The following MGA variants were observed in gnomAD, a reference collection of about 807,000 sequenced individuals.
MGA encodes the protein MAX dimerization protein MGA, also known as MAX gene-associated protein.
A neutral mutation model predicts 261.1 loss-of-function variants in MGA; 40 were observed. The ratio of observed to expected loss-of-function variants is 0.15; its 90% confidence interval spans 0.12 to 0.20. The LOEUF (loss-of-function observed/expected upper bound fraction) is 0.20, where lower values mean the gene tolerates loss of function less well. Among genes scored for constraint, MGA ranks in the 10% least tolerant of loss-of-function variants. The probability of loss-of-function intolerance (pLI) is 1.00; values close to 1 mark genes in which losing one functional copy is unlikely to be tolerated. For missense variants in MGA, 3,397 were observed against 3,630.5 expected (o/e 0.94, Z 1.65); for synonymous variants, 1,302 against 1,290.6 (o/e 1.01, Z -0.19).
At position 41,639,613 on chromosome 15, in the gene MGA, C is replaced by G. The variant is rs574555424; in HGVS notation, c.-68+18315C>G. On this transcript the variant is annotated intron_variant, in intron 1 of 8. Coordinates refer to the MGA transcript ENST00000566718. ...AGGCTGGAGTGCAGTGGCGCAATCT[C>G]GGCTCACTGCAAGCACCGTCTCCTA... is the stretch of plus-strand genomic sequence containing the variant. Among the ~76,000 whole-genome samples, 4 of 151,824 alleles carry G rather than the reference C, an allele frequency of 2.6e-5. No individual in the cohort carries two copies. In the South Asian group the frequency reaches 8.3e-4, roughly 32 times the overall value.
chr15:41,722,097 T>C (rs1487147731), intron 9 of MGA, among the ~76,000 whole-genome samples: 2 of 151,354 alleles, frequency 1.3e-5, no homozygotes, highest in Non-Finnish European at 2.9e-5. Flanking sequence ...TTGATTCCAT[T>C]AATATAAACT....
Position 41,750,517 on chromosome 15 carries a change from G to T in MGA, c.6910G>T (p.Asp2304Tyr), listed in dbSNP as rs1400051643. 1 of 1,613,592 alleles carries T rather than the reference G, an allele frequency of 6.2e-7. No homozygotes were observed. Residue 2304 changes from aspartate (D) to tyrosine (Y), a missense_variant, in exon 17 of 24, where the codon GAT becomes TAT. Physicochemically the swap from Asp to Tyr is radical, Grantham distance 160. Around this residue, in one of 9 missense-constraint regions of MGA, gnomAD observed 1,410 missense variants for 1,386.4 expected, o/e 1.02. Transcript: ENST00000219905. ...CTTCACTGTTTTGGATTTGGAAGAA[G>T]ATGATGAAGATGATAATGAGAAAAC...
At chr15:41,714,024 C>T (rs1348817354) in intron 9 of MGA, among the ~76,000 whole-genome samples, 1 of 151,758 alleles carries the variant, frequency 6.6e-6, no homozygotes, top group Non-Finnish European at 1.5e-5. Flanking sequence ...AGATGTAGAC[C>T]CAAGTTACAT....
rs748277565 is a variant in MGA at position 41,698,538 on chromosome 15, G to A, written c.2014-325G>A. 1.6e-4 allele frequency among the ~76,000 whole-genome samples: 24 copies of A among 152,130 alleles called. 1 individual carries two copies. The highest frequency in any genetic ancestry group is 3.4e-4 in the Non-Finnish European group (23 of 68,022). On this transcript the variant is annotated intron_variant, in intron 3 of 23. Coordinates refer to ENST00000219905, the MANE Select transcript of MGA (RefSeq NM_001164273.2). ...CTGTTCTTTTCCTCCCTTCTTGTTA[G>A]CTGAGTAAGCTATCTGAATATAGGC...
intron 9 of MGA, 28 bp downstream of exon 9, chr15:41,713,524 T>C (rs1310725175): frequency 2.0e-6 from 3 of 1,495,532 alleles, no homozygotes; most frequent in Non-Finnish European, 2.7e-6. Context: ...GTTAAAACTG[T>C]GCCATATCAG....
chr15:41,727,147 G>T, intron 9 of MGA, 33 bp from the exon 10 acceptor site: 1 of 1,553,850 alleles, frequency 6.4e-7, no homozygotes, highest in Non-Finnish European at 8.7e-7. Context: ...GTTGCCAAAA[G>T]TACCTAAAAC....
At chr15:41,746,400 C>A (rs1366552610) in intron 15 of MGA, among the ~76,000 whole-genome samples, 2 of 151,812 alleles carry the variant, frequency 1.3e-5, no homozygotes, top group South Asian at 2.1e-4. Flanking sequence ...AAAAATTAGC[C>A]GGATGTGGTG....
chr15:41,657,601 C>A (rs918142516), upstream of MGA, among the ~76,000 whole-genome samples: 1 of 151,798 alleles, frequency 6.6e-6, no homozygotes, highest in Non-Finnish European at 1.5e-5. Flanking sequence ...GGCAATCTGC[C>A]TGCCTCGGAC....
Position 41,766,470 on chromosome 15 carries a change from A to T in MGA, c.8388A>T (p.Thr2796=). The T allele has an allele frequency of 5.0e-6, 8 of 1,614,032 alleles. No homozygotes were observed. Among genetic ancestry groups the T allele is most frequent in the Non-Finnish European group, 6.8e-6 (8 of 1,179,904 alleles). Reference sequence around the variant, plus strand: ...TAGAGATGGAACTGAGGAAAGTAACATCAGCTATAGAGGAAGCAGCTCTTG... The same window carrying T: ...TAGAGATGGAACTGAGGAAAGTAACTTCAGCTATAGAGGAAGCAGCTCTTG... Residue 2796 remains threonine, a synonymous_variant, in exon 24 of 24, where the codon ACA becomes ACT. Coordinates refer to ENST00000219905, the MANE Select transcript of MGA (RefSeq NM_001164273.2).
At chr15:41,622,974 G>C (rs1048153279) in intron 1 of MGA, among the ~76,000 whole-genome samples, 1 of 152,186 alleles carries the variant, frequency 6.6e-6, no homozygotes, top group African/African-American at 2.4e-5. Flanking sequence ...TGTCACTTTT[G>C]AGTAATTATA....
chr15:41,717,573 A>G (rs2060708450), intron 9 of MGA, among the ~76,000 whole-genome samples: 1 of 152,186 alleles, frequency 6.6e-6, no homozygotes, highest in South Asian at 2.1e-4. Flanking sequence ...AAACTCACTC[A>G]AGAAGAAATA....
intron 1 of MGA, among the ~76,000 whole-genome samples, chr15:41,652,536 A>T (rs971295131): frequency 7.3e-6 from 1 of 136,394 alleles, no homozygotes; most frequent in Admixed American, 7.4e-5. Flanking sequence ...AGCTAATTAA[A>T]TTTTTTTTTT....
At chr15:41,747,464 T>G (rs778723981) in intron 15 of MGA, among the ~76,000 whole-genome samples, 11 of 151,892 alleles carry the variant, frequency 7.2e-5, no homozygotes, top group Non-Finnish European at 1.5e-4. Flanking sequence ...GCACATTGGC[T>G]CATACCTATA....
chr15:41,657,410 G>A (rs1272969036), upstream of MGA, among the ~76,000 whole-genome samples: 6 of 147,034 alleles, frequency 4.1e-5, no homozygotes, highest in Non-Finnish European at 7.4e-5. Flanking sequence ...CTGGAGTGCG[G>A]TGGCGCGATC....
Position 41,669,276 on chromosome 15 carries a change from T to G in MGA, c.382T>G (p.Ser128Ala). The change falls in exon 2 of 24, where the codon TCT becomes GCT. Residue 128 changes from serine to alanine, a missense_variant. Physicochemically the swap from Ser to Ala is moderately conservative, Grantham distance 99. Coordinates refer to ENST00000219905, the MANE Select transcript of MGA (RefSeq NM_001164273.2). Reference sequence around the variant, plus strand: ...GAAGTATATTCTTGTCATGGATATATCTCCTGTGGATAACCATCGTTATAA... The same window carrying G: ...GAAGTATATTCTTGTCATGGATATAGCTCCTGTGGATAACCATCGTTATAA... The G allele has an allele frequency of 1.9e-6, 3 of 1,614,008 alleles. No individual in the cohort carries two copies. The highest frequency in any genetic ancestry group is 2.5e-6 in the Non-Finnish European group (3 of 1,179,888).
At chr15:41,708,019 C>T (rs1224872143) in intron 6 of MGA, 85 bp from the exon 7 acceptor site, 2 of 1,362,084 alleles carry the variant, frequency 1.5e-6, no homozygotes, top group East Asian at 2.5e-5. Context: ...TATACACTTA[C>T]CAAATTAAAG....
intron 3 of MGA, among the ~76,000 whole-genome samples, chr15:41,697,480 G>A (rs1448002976): frequency 6.8e-6 from 1 of 146,846 alleles, no homozygotes; most frequent in Non-Finnish European, 1.5e-5. Context: ...TCAGTGGCAC[G>A]ATCTCAGCTC....
Position 41,749,670 on chromosome 15 carries a change from G to A in MGA, c.6063G>A (p.Leu2021=). Reference sequence around the variant, plus strand: ...GAGCTGCTACCTCAGAAGAAACTCTGAATGATTCCTTGGAAGATAGGGGTG... The same window carrying A: ...GAGCTGCTACCTCAGAAGAAACTCTAAATGATTCCTTGGAAGATAGGGGTG... Residue 2021 remains leucine (L), a synonymous_variant, in exon 17 of 24, where the codon CTG becomes CTA. Coordinates refer to ENST00000219905, the MANE Select transcript of MGA (RefSeq NM_001164273.2). 1 of 1,614,018 alleles carries A rather than the reference G, an allele frequency of 6.2e-7. No homozygotes were observed.
intron 2 of MGA, among the ~76,000 whole-genome samples, chr15:41,671,168 C>T (rs540496477): frequency 6.6e-6 from 1 of 152,202 alleles, no homozygotes; most frequent in East Asian, 1.9e-4. Flanking sequence ...ATCAGTATTC[C>T]GTGGAGGCTG....
Sources: allele counts gnomAD v4.1 joint callset (sites outside exome capture counted in the v4.1 genomes callset), GRCh38; gene constraint gnomAD v4.1.1; regional missense constraint gnomAD v4.1.1; transcripts MANE v1.5; gene names NCBI Gene and HGNC (gene_info 2026-07-23, HGNC 2026-07-21).